The following YWHAE variants were observed in gnomAD, a reference collection of about 807,000 sequenced individuals.
The protein encoded by YWHAE is 14-3-3 protein epsilon.
A neutral mutation model predicts 30.1 loss-of-function variants in YWHAE; 4 were observed. That is an observed-to-expected ratio of 0.13 (90% CI 0.07 to 0.30). The LOEUF (loss-of-function observed/expected upper bound fraction) is 0.30. Ranked by LOEUF, YWHAE falls within the 10% of genes least tolerant of loss-of-function variation. The probability of loss-of-function intolerance (pLI) is 1.00; values close to 1 mark genes in which losing one functional copy is unlikely to be tolerated. For missense variants in YWHAE, 121 were observed against 315.9 expected, an observed-to-expected ratio of 0.38 and a Z score of 4.68; for synonymous variants, 118 against 111.8, an observed-to-expected ratio of 1.06 and a Z score of -0.35.
chr17:1,353,455 A>AG (rs58362677), intron 5 of YWHAE, among the ~76,000 whole-genome samples: 2 of 147,706 alleles, frequency 1.4e-5, no homozygotes, highest in African/African-American at 5.0e-5. Flanking sequence ...AAAAAAGAAA[A>AG]GAAAAGAAAA....
chr17:1,390,452 A>G (rs187784289), intron 1 of YWHAE, among the ~76,000 whole-genome samples: 7 of 152,376 alleles, frequency 4.6e-5, no homozygotes, highest in Admixed American at 1.3e-4. Context: ...ATCCTAGCAC[A>G]GCAGTAACAA....
intron 1 of YWHAE, among the ~76,000 whole-genome samples, chr17:1,395,218 C>T (rs978821408): frequency 6.6e-6 from 1 of 151,860 alleles, no homozygotes; most frequent in African/African-American, 2.4e-5. Flanking sequence ...CATGGTAAAA[C>T]CCTGTCTCTA....
chr17:1,384,061 C>T (rs1046496670), intron 1 of YWHAE, among the ~76,000 whole-genome samples: 38 of 152,096 alleles, frequency 2.5e-4, no homozygotes, highest in African/African-American at 8.9e-4. Flanking sequence ...AAACAATTAG[C>T]CACGCGTTAA....
At chr17:1,396,721 G>A (rs1014474464) in intron 1 of YWHAE, among the ~76,000 whole-genome samples, 7 of 152,148 alleles carry the variant, frequency 4.6e-5, no homozygotes, top group Non-Finnish European at 8.8e-5. Context: ...GGCCTCCCGG[G>A]TTCAAGTGAT....
At position 1,388,101 on chromosome 17, in the gene YWHAE, GTTTTTTTTTTTGGTTGGTT is replaced by G. The variant is rs1374633798; in HGVS notation, c.64+11927_64+11945del. On this transcript the variant is annotated intron_variant, in intron 1 of 5. Transcript: ENST00000264335. ...CCACCACCACGCCTGGGTAATTTTTGTTTTTTTTTTTGGTTGGTTTTTTTTTTTTTTTTTTTTTTTTAGT... is the reference window on the plus strand; with the variant it reads ...CCACCACCACGCCTGGGTAATTTTTGTTTTTTTTTTTTTTTTTTTTTTAGT... Among the ~76,000 whole-genome samples, 482 of 62,324 alleles carry G rather than the reference GTTTTTTTTTTTGGTTGGTT, an allele frequency of 7.7e-3. 37 individuals carry two copies. The highest frequency in any genetic ancestry group is 0.034 in the African/African-American group (427 of 12,728). The allele number at this position is 62,324 out of a possible 152,430, so 40.9% of individuals were successfully genotyped here.
At chr17:1,353,865 A>G (rs2072682987) in intron 5 of YWHAE, among the ~76,000 whole-genome samples, 1 of 152,172 alleles carries the variant, frequency 6.6e-6, no homozygotes, top group Non-Finnish European at 1.5e-5. Flanking sequence ...TATTTCAACA[A>G]AGAGAAAAAC....
At chr17:1,386,729 C>A (rs1318449238) in intron 1 of YWHAE, among the ~76,000 whole-genome samples, 1 of 152,176 alleles carries the variant, frequency 6.6e-6, no homozygotes, top group African/African-American at 2.4e-5. Context: ...GCAGGCGGAT[C>A]ACCTGAGGCC....
At chr17:1,382,974 G>C (rs561130785) in intron 1 of YWHAE, among the ~76,000 whole-genome samples, 6 of 151,082 alleles carry the variant, frequency 4.0e-5, no homozygotes, top group Non-Finnish European at 8.8e-5. Flanking sequence ...GCAGTGAGCT[G>C]ACCTCATGCC....
At chr17:1,393,760 T>C (rs907707011) in intron 1 of YWHAE, among the ~76,000 whole-genome samples, 3 of 152,180 alleles carry the variant, frequency 2.0e-5, no homozygotes, top group African/African-American at 7.2e-5. Context: ...GGTTGTTTTT[T>C]TCTTTTGCTT....
At chr17:1,387,964 C>T (rs1236580780) in intron 1 of YWHAE, among the ~76,000 whole-genome samples, 38 of 125,222 alleles carry the variant, frequency 3.0e-4, no homozygotes, top group Admixed American at 1.8e-3. Flanking sequence ...CTCACTCTGT[C>T]GTTCAGGCTG....
intron 1 of YWHAE, among the ~76,000 whole-genome samples, chr17:1,396,412 A>T (rs1380773958): frequency 1.3e-5 from 2 of 152,154 alleles, no homozygotes; most frequent in Non-Finnish European, 2.9e-5. Flanking sequence ...AGACAGAGCG[A>T]GACTCCGTCT....
chr17:1,399,755 CCCCGGGACTCGCCCT>C, intron 1 of YWHAE: 2 of 306,170 alleles, frequency 6.5e-6, no homozygotes, highest in Middle Eastern at 1.1e-3. Context: ...CCCTCCCCCG[CCCCGGGACTCGCCCT>C]CCCCCCAGCC....
intron 5 of YWHAE, among the ~76,000 whole-genome samples, chr17:1,347,209 G>A (rs552049592): frequency 6.6e-6 from 1 of 151,296 alleles, no homozygotes; most frequent in South Asian, 2.1e-4. Flanking sequence ...CATGGTGGCA[G>A]GCGCCTGTAG....
At chr17:1,357,779 T>C (rs1046950708) in intron 4 of YWHAE, among the ~76,000 whole-genome samples, 1 of 151,182 alleles carries the variant, frequency 6.6e-6, no homozygotes, top group African/African-American at 2.4e-5. Flanking sequence ...ATACAAAAAT[T>C]AGCTGGGTAT....
chr17:1,388,118 G>GTTTTTTTTTTTTTTT lies in YWHAE; in HGVS notation c.64+11914_64+11928dup, dbSNP rs1297503908. Among the ~76,000 whole-genome samples the GTTTTTTTTTTTTTTT allele has an allele frequency of 5.2e-4, 8 of 15,504 alleles. 1 individual carries two copies. The highest frequency in any genetic ancestry group is 1.0e-3 in the African/African-American group (2 of 1,976). 10.2% of individuals were successfully genotyped at this position (15,504 alleles called of 152,430 possible). A position where few individuals can be genotyped will look rare whatever the true frequency, so the allele number is the denominator to read the frequency against. On this transcript the variant is annotated intron_variant, in intron 1 of 5. Transcript: ENST00000264335. ...TAATTTTTGTTTTTTTTTTTGGTTGGTTTTTTTTTTTTTTTTTTTTTTTTA... is the reference window on the plus strand; with the variant it reads ...TAATTTTTGTTTTTTTTTTTGGTTGGTTTTTTTTTTTTTTTTTTTTTTTTTTTTTTTTTTTTTTTA...
chr17:1,392,270 G>C (rs990629863), intron 1 of YWHAE, among the ~76,000 whole-genome samples: 1 of 152,186 alleles, frequency 6.6e-6, no homozygotes, highest in Non-Finnish European at 1.5e-5. Context: ...AGCTAAGTGG[G>C]AGGCTGAGAT....
At chr17:1,396,595 T>C (rs966138863) in intron 1 of YWHAE, among the ~76,000 whole-genome samples, 1 of 152,174 alleles carries the variant, frequency 6.6e-6, no homozygotes, top group Non-Finnish European at 1.5e-5. Context: ...GTAGTTTATG[T>C]TACCCCTCTG....
intron 1 of YWHAE, among the ~76,000 whole-genome samples, chr17:1,371,552 A>G (rs1224788992): frequency 6.6e-6 from 1 of 152,156 alleles, no homozygotes; most frequent in Admixed American, 6.6e-5. Flanking sequence ...TAAATTTAGC[A>G]TGATTCTTAA....
At position 1,400,029 on chromosome 17, in the gene YWHAE, GT is replaced by G; in HGVS notation, c.64+17del. The G allele has an allele frequency of 2.2e-4, 204 of 942,728 alleles. No individual in the cohort carries two copies. The highest frequency in any genetic ancestry group is 3.1e-4 in the Non-Finnish European group (187 of 599,964). The allele number at this position is 942,728 out of a possible 1,614,324, so 58.4% of individuals were successfully genotyped here. A position where few individuals can be genotyped will look rare whatever the true frequency, so the allele number is the denominator to read the frequency against. ...GAGGGTCCGAGAATTCCAGCCCCCC[GT>G]TGCCCCCCCAACTCACCGTCGTATC... On this transcript the variant is annotated intron_variant, in intron 1 of 5. Coordinates refer to ENST00000264335, the MANE Select transcript of YWHAE (RefSeq NM_006761.5).
Sources: gnomAD v4.1 joint callset for allele counts (sites outside exome capture counted in the v4.1 genomes callset) on GRCh38, gnomAD v4.1.1 for gene constraint, MANE v1.5 for transcripts, NCBI Gene and HGNC (gene_info 2026-07-23, HGNC 2026-07-21) for gene names.